The following RPS6KC1 variants were observed in gnomAD, a reference collection of about 807,000 sequenced individuals.
RPS6KC1 encodes inactive ribosomal protein S6 kinase delta-1.
A neutral mutation model predicts 103.8 loss-of-function variants in RPS6KC1; 54 were observed. The ratio of observed to expected loss-of-function variants is 0.52; its 90% CI spans 0.42 to 0.65. The LOEUF is 0.65. Ranked by LOEUF, RPS6KC1 falls within the 30% of genes least tolerant of loss-of-function variation. RPS6KC1 has a pLI of 0.00. For synonymous variants in RPS6KC1, 439 were observed against 438.7 expected (o/e 1.00, Z -0.01); for missense variants, 1,151 against 1,253.8 (o/e 0.92, Z 1.24).
chr1:213,552,052 A>T, the RPS6KC1 span, among the ~76,000 whole-genome samples: 1 of 152,302 alleles, frequency 6.6e-6, no homozygotes, highest in South Asian at 2.1e-4. Flanking sequence ...TTTAGCATGG[A>T]ATAATATCTC....
At chr1:213,738,085 C>A in the RPS6KC1 span, among the ~76,000 whole-genome samples, 1 of 152,160 alleles carries the variant, frequency 6.6e-6, no homozygotes, top group Non-Finnish European at 1.5e-5. Context: ...GTCTTAGACA[C>A]TTGTATATTT....
chr1:213,179,163 C>T (rs1185130726), intron 8 of RPS6KC1, among the ~76,000 whole-genome samples: 1 of 151,938 alleles, frequency 6.6e-6, no homozygotes, highest in South Asian at 2.1e-4. Flanking sequence ...GCCTGTAATC[C>T]CAGCACTTTG....
At chr1:213,815,709 C>T in the RPS6KC1 span, among the ~76,000 whole-genome samples, 1 of 152,232 alleles carries the variant, frequency 6.6e-6, no homozygotes, top group African/African-American at 2.4e-5. Flanking sequence ...ACCACTCTAA[C>T]TTTCTCGCTA....
In RPS6KC1 at chr1:213,129,690, A is replaced by T; in HGVS notation, c.636A>T (p.Glu212Asp). ...SALGAVASDS[E>D]QSKTEEERES... ...TAGGGGCTGTTGCTTCTGACAGTGA[A>T]CAGAGCAAAACAGAAGAAGAACGGG... The change falls in exon 6 of 15, where the codon GAA becomes GAT. Residue 212 changes from glutamate (E) to aspartate (D), a missense_variant. Glu to Asp is a conservative substitution (Grantham distance 45). This residue lies in a region of RPS6KC1 where 959 missense variants were observed against 1,006.3 expected (regional missense o/e 0.95). Coordinates refer to ENST00000366960, the MANE Select transcript of RPS6KC1 (RefSeq NM_012424.6). 6.2e-7 allele frequency: 1 copy of T among 1,614,062 alleles called. No homozygotes were observed. Among genetic ancestry groups the T allele is most frequent in the Non-Finnish European group, 8.5e-7 (1 of 1,179,956 alleles).
At chr1:213,520,823 A>G in the RPS6KC1 span, among the ~76,000 whole-genome samples, 468 of 152,344 alleles carry the variant, frequency 3.1e-3, 2 homozygotes, top group African/African-American at 0.011. Flanking sequence ...CTTTCTTAAA[A>G]CAAAATATAA....
the RPS6KC1 span, among the ~76,000 whole-genome samples, chr1:213,609,495 C>T: frequency 1.3e-4 from 20 of 152,042 alleles, no homozygotes; most frequent in African/African-American, 4.1e-4. Context: ...CCTGTTGAGT[C>T]GGGGCGTGCA....
At chr1:213,716,609 T>C in the RPS6KC1 span, among the ~76,000 whole-genome samples, 3 of 152,352 alleles carry the variant, frequency 2.0e-5, no homozygotes, top group Admixed American at 1.3e-4. Context: ...ACAATATTTA[T>C]ATAATTCCCT....
intron 7 of RPS6KC1, among the ~76,000 whole-genome samples, 183 bp downstream of exon 7, chr1:213,168,156 A>G (rs1461488330): frequency 6.6e-6 from 1 of 152,194 alleles, no homozygotes; most frequent in Non-Finnish European, 1.5e-5. Flanking sequence ...ATAAAATAAG[A>G]CTTGCTTTCT....
chr1:213,802,974 C>G, the RPS6KC1 span, among the ~76,000 whole-genome samples: 1 of 152,120 alleles, frequency 6.6e-6, no homozygotes, highest in Non-Finnish European at 1.5e-5. Flanking sequence ...AGGGAGCTAA[C>G]TTTTACTGAG....
chr1:213,552,047 C>T, the RPS6KC1 span, among the ~76,000 whole-genome samples: 1 of 152,198 alleles, frequency 6.6e-6, no homozygotes, highest in Admixed American at 6.5e-5. Flanking sequence ...TTCTTTTTAG[C>T]ATGGAATAAT....
the RPS6KC1 span, among the ~76,000 whole-genome samples, chr1:213,349,891 G>A: frequency 1.3e-5 from 2 of 152,292 alleles, no homozygotes; most frequent in South Asian, 4.1e-4. Context: ...CAGAGACAGA[G>A]AAAATTTCCT....
chr1:213,804,951 A>C, the RPS6KC1 span, among the ~76,000 whole-genome samples: 1 of 152,362 alleles, frequency 6.6e-6, no homozygotes, highest in Non-Finnish European at 1.5e-5. Flanking sequence ...CAAATATCGC[A>C]ACAAAGCAAG....
chr1:213,402,871 G>T, the RPS6KC1 span, among the ~76,000 whole-genome samples: 3 of 151,524 alleles, frequency 2.0e-5, no homozygotes, highest in South Asian at 2.1e-4. Flanking sequence ...TTTTTTGGGT[G>T]GGGGAGGCCG....
rs368184250 is a variant in RPS6KC1 at position 213,135,070 on chromosome 1, C to T, written c.835+5181C>T. ...ATGTTAGTTGTTGGTTTTTCATAGA[C>T]GCCCTTTATCATGTTGAAGAAGTTC... is the stretch of plus-strand genomic sequence containing the variant. On this transcript the variant is annotated intron_variant, in intron 6 of 14. Coordinates refer to ENST00000366960, the MANE Select transcript of RPS6KC1 (RefSeq NM_012424.6). 1.8e-3 allele frequency among the ~76,000 whole-genome samples: 272 copies of T among 152,206 alleles called. 7 individuals are homozygous for T. The South Asian group carries it at 0.037, about 21-fold the overall frequency.
chr1:213,243,534 T>G (rs2094401545), intron 12 of RPS6KC1, among the ~76,000 whole-genome samples: 1 of 152,246 alleles, frequency 6.6e-6, no homozygotes, highest in African/African-American at 2.4e-5. Flanking sequence ...TTGTCTTTAT[T>G]TTTTAAAAAT....
the RPS6KC1 span, among the ~76,000 whole-genome samples, chr1:213,391,736 A>AAT: frequency 6.6e-6 from 1 of 152,236 alleles, no homozygotes; most frequent in East Asian, 1.9e-4. Flanking sequence ...TAAATGACAG[A>AAT]ATATATCACA....
chr1:213,214,186 C>T (rs948632914), intron 8 of RPS6KC1, among the ~76,000 whole-genome samples: 3 of 152,340 alleles, frequency 2.0e-5, no homozygotes, highest in South Asian at 2.1e-4. Context: ...CCTAATACTG[C>T]GCTTTTCCAA....
At chr1:213,742,042 G>A in the RPS6KC1 span, among the ~76,000 whole-genome samples, 4 of 152,110 alleles carry the variant, frequency 2.6e-5, no homozygotes, top group African/African-American at 9.7e-5. Context: ...GTTGTCTTTG[G>A]CATAAGAGCC....
chr1:213,697,466 G>A, the RPS6KC1 span, among the ~76,000 whole-genome samples: 2 of 152,256 alleles, frequency 1.3e-5, no homozygotes, highest in Non-Finnish European at 2.9e-5. Context: ...GAGGACCAGA[G>A]AGGAACTGTA....
Sources: gnomAD v4.1 joint callset for allele counts (sites outside exome capture counted in the v4.1 genomes callset) on GRCh38, gnomAD v4.1.1 for gene constraint, gnomAD v4.1.1 regional missense constraint, MANE v1.5 for transcripts, NCBI Gene and HGNC (gene_info 2026-07-23, HGNC 2026-07-21) for gene names.